Variants in DDX53 observed in about 807,000 individuals in gnomAD.
DDX53 encodes DEAD box protein 53.
For synonymous variants in DDX53, 179 were observed against 170.8 expected (o/e 1.05, Z -0.37); for missense variants, 481 against 485.1 (o/e 0.99, Z 0.08).
chrX:23,000,944 G>A lies in DDX53; in HGVS notation c.887G>A (p.Gly296Glu). The A allele has an allele frequency of 8.3e-7, 1 of 1,208,204 alleles. No individual in the cohort carries two copies. Among genetic ancestry groups the A allele is most frequent in the Non-Finnish European group, 1.1e-6 (1 of 893,890 alleles). The change falls in exon 1 of 1, where the codon GGG becomes GAG. Residue 296 changes from glycine to glutamate, a missense_variant. Gly to Glu is a moderately conservative substitution (Grantham distance 98, BLOSUM62 -2). Transcript: ENST00000327968. ...CCAATATCTAGAGAGCAAAGGAATGGGCCTGGGATGCTAGTCCTTACACCC... is the reference window on the plus strand; with the variant it reads ...CCAATATCTAGAGAGCAAAGGAATGAGCCTGGGATGCTAGTCCTTACACCC... The part of the protein sequence containing the change: ...SQPISREQRN[G>E]PGMLVLTPTR...
At position 23,001,811 on chromosome X, in the gene DDX53, T is replaced by G; in HGVS notation, c.1754T>G (p.Ile585Ser). 1 of 1,211,842 alleles carries G rather than the reference T, an allele frequency of 8.3e-7. No individual in the cohort carries two copies. The highest frequency in any genetic ancestry group is 1.1e-6 in the Non-Finnish European group (1 of 895,507). ...DSKMAGELIK[I>S]LDRANQSVPE... ...AAAATGGCCGGTGAATTGATTAAAA[T>G]TCTGGACAGAGCAAATCAGAGTGTT... is the stretch of plus-strand genomic sequence containing the variant. Residue 585 changes from isoleucine to serine, a missense_variant, in exon 1 of 1, where the codon ATT becomes AGT. Ile to Ser is a moderately radical substitution (Grantham distance 142). Transcript: ENST00000327968.
Position 23,000,891 on chromosome X carries a change from G to C in DDX53, c.834G>C (p.Met278Ile). The change falls in exon 1 of 1, where the codon ATG (methionine) becomes ATC (isoleucine). Residue 278 changes from methionine to isoleucine, a missense_variant. By Grantham distance (10) the Met-to-Ile change is conservative. Transcript: ENST00000327968. ...TGTGKTLSYLMPGFIHLDSQP... is the reference protein window; with the variant it reads ...TGTGKTLSYLIPGFIHLDSQP... ...CAGGGAAAACATTGTCCTATCTAAT[G>C]CCTGGGTTTATTCATCTTGATTCTC... is the stretch of plus-strand genomic sequence containing the variant. 1 of 1,210,323 alleles carries C rather than the reference G, an allele frequency of 8.3e-7. No homozygotes were observed.
Position 23,002,045 on chromosome X carries a change from T to G in DDX53, c.*92T>G. On this transcript the variant is annotated 3_prime_UTR_variant, in exon 1 of 1. Coordinates refer to ENST00000327968, the MANE Select transcript of DDX53 (RefSeq NM_182699.4). ...GGAAGTATTGGAAACATACTAGCCATTTGAAGACATAACTAATTCTTAAAT... is the reference window on the plus strand; with the variant it reads ...GGAAGTATTGGAAACATACTAGCCAGTTGAAGACATAACTAATTCTTAAAT... The G allele has an allele frequency of 1.4e-6, 1 of 708,350 alleles. No individual in the cohort carries two copies. Among genetic ancestry groups the G allele is most frequent in the Non-Finnish European group, 2.0e-6 (1 of 498,636 alleles). The allele number at this position is 708,350 out of a possible 1,213,427, so 58.4% of individuals were successfully genotyped here. A position where few individuals can be genotyped will look rare whatever the true frequency, so the allele number is the denominator to read the frequency against.
chrX:23,000,005 C>T lies in DDX53; in HGVS notation c.-53C>T, dbSNP rs1385768396. 9.1e-6 allele frequency: 9 copies of T among 984,163 alleles called. No individual in the cohort carries two copies. In the East Asian group the frequency reaches 3.0e-4, roughly 33 times the overall value. 81.1% of individuals were successfully genotyped at this position (984,163 alleles called of 1,213,427 possible). On this transcript the variant is annotated 5_prime_UTR_variant, in exon 1 of 1. Coordinates refer to ENST00000327968, the MANE Select transcript of DDX53 (RefSeq NM_182699.4). ...ACGGGAAACAGGCCGCAGACCTGAA[C>T]TTCCAACCGTATGTAGGCGAGAAGC...
Position 23,002,437 on chromosome X carries a change from C to T in DDX53, c.*484C>T, listed in dbSNP as rs1370299235. The T allele has an allele frequency of 8.1e-6, 1 of 123,405 alleles. No individual in the cohort carries two copies. Among genetic ancestry groups the T allele is most frequent in the Non-Finnish European group, 1.9e-5 (1 of 53,087 alleles). 10.2% of individuals were successfully genotyped at this position (123,405 alleles called of 1,213,427 possible). On this transcript the variant is annotated 3_prime_UTR_variant, in exon 1 of 1. Coordinates refer to ENST00000327968, the MANE Select transcript of DDX53 (RefSeq NM_182699.4). ...TTTGTGAAGGTTTGTTAAAGAAACA[C>T]GTGTCATGGGGGTTTATCAACTTTC...
At position 23,002,756 on chromosome X, in the gene DDX53, T is replaced by C. The variant is rs1933836822; in HGVS notation, c.*803T>C. On this transcript the variant is annotated 3_prime_UTR_variant, in exon 1 of 1. Transcript: ENST00000327968. Reference sequence around the variant, plus strand: ...TATGTGTTGGTTAAAGTTTAATTTCTCTTAAAAATACTTTTATTTTAGGTT... The same window carrying C: ...TATGTGTTGGTTAAAGTTTAATTTCCCTTAAAAATACTTTTATTTTAGGTT... 8.2e-6 allele frequency: 1 copy of C among 122,412 alleles called. No individual in the cohort carries two copies. Among genetic ancestry groups the C allele is most frequent in the Admixed American group, 9.6e-5 (1 of 10,395 alleles). The allele number at this position is 122,412 out of a possible 1,213,427, so 10.1% of individuals were successfully genotyped here. A position where few individuals can be genotyped will look rare whatever the true frequency, so the allele number is the denominator to read the frequency against.
chrX:23,000,908 T>G lies in DDX53; in HGVS notation c.851T>G (p.Leu284Arg), dbSNP rs1204272498. 8.3e-7 allele frequency: 1 copy of G among 1,208,376 alleles called. No homozygotes were observed. Among genetic ancestry groups the G allele is most frequent in the African/African-American group, 1.7e-5 (1 of 57,274 alleles). The change falls in exon 1 of 1, where the codon CTT (leucine) becomes CGT (arginine). Residue 284 changes from leucine to arginine, a missense_variant. By Grantham distance (102) the Leu-to-Arg change is moderately radical. Coordinates refer to ENST00000327968, the MANE Select transcript of DDX53 (RefSeq NM_182699.4). ...LSYLMPGFIH[L>R]DSQPISREQR... Reference sequence around the variant, plus strand: ...TATCTAATGCCTGGGTTTATTCATCTTGATTCTCAACCAATATCTAGAGAG... The same window carrying G: ...TATCTAATGCCTGGGTTTATTCATCGTGATTCTCAACCAATATCTAGAGAG...
rs1325154684 is a variant in DDX53 at position 23,000,780 on chromosome X, G to T, written c.723G>T (p.Gly241=). Residue 241 remains glycine, a synonymous_variant, in exon 1 of 1, where the codon GGG becomes GGT. Transcript: ENST00000327968. ...PDLLKSIIRV[G]IVKPTPIQSQ... is the part of the protein sequence containing the mutation. ...TTCTGAAAAGCATAATAAGGGTAGGGATTGTAAAGCCAACGCCAATTCAGT... is the reference window on the plus strand; with the variant it reads ...TTCTGAAAAGCATAATAAGGGTAGGTATTGTAAAGCCAACGCCAATTCAGT... 8.3e-7 allele frequency: 1 copy of T among 1,210,514 alleles called. No homozygotes were observed. Among genetic ancestry groups the T allele is most frequent in the Non-Finnish European group, 1.1e-6 (1 of 895,343 alleles).
rs1413280279 is a variant in DDX53, at chrX:23,002,648, T to A, written c.*695T>A. 1 of 118,869 alleles carries A rather than the reference T, an allele frequency of 8.4e-6. No individual in the cohort carries two copies. The highest frequency in any genetic ancestry group is 1.9e-5 in the Non-Finnish European group (1 of 52,084). 9.8% of individuals were successfully genotyped at this position (118,869 alleles called of 1,213,427 possible). ...ACACGTGTCATGGGGGTTTATCAAC[T>A]TTCAATATTGTGTATGTTCCTTAAT... On this transcript the variant is annotated 3_prime_UTR_variant, in exon 1 of 1. Transcript: ENST00000327968.
chrX:23,000,097 A>G lies in DDX53; in HGVS notation c.40A>G (p.Asn14Asp). Residue 14 changes from asparagine to aspartate, a missense_variant, in exon 1 of 1, where the codon AAT (asparagine) becomes GAT (aspartate). Coordinates refer to ENST00000327968, the MANE Select transcript of DDX53 (RefSeq NM_182699.4). ...CCCAGAGTGGAAGAGGGCGGAGGCT[A>G]ATCCAAGAGACCTTGGGGCCAGCTG... ...WAPEWKRAEA[N>D]PRDLGASWDV... is the part of the protein sequence containing the mutation. 8.6e-7 allele frequency: 1 copy of G among 1,157,856 alleles called. No homozygotes were observed. Among genetic ancestry groups the G allele is most frequent in the Non-Finnish European group, 1.1e-6 (1 of 870,443 alleles).
rs149084464 is a variant in DDX53, at chrX:23,000,457, A to G, written c.400A>G (p.Ile134Val). Residue 134 changes from isoleucine to valine, a missense_variant, in exon 1 of 1, where the codon ATT becomes GTT. Transcript: ENST00000327968. ...GGATAATGCTGCATCCCAAACCCCT[A>G]TTGGAAGAAATCTAGGCAGAAATGA... The part of the protein sequence containing the change: ...SVDNAASQTP[I>V]GRNLGRNDIV... 292 of 1,210,189 alleles carry G rather than the reference A, an allele frequency of 2.4e-4. 1 individual carries two copies. In the Middle Eastern group the frequency reaches 2.5e-3, roughly 10 times the overall value.
rs1295633310 is a variant in DDX53 at position 23,002,693 on chromosome X, TGAGAG to T, written c.*741_*745del. On this transcript the variant is annotated 3_prime_UTR_variant, in exon 1 of 1. Coordinates refer to ENST00000327968, the MANE Select transcript of DDX53 (RefSeq NM_182699.4). ...CTTAATTTTAAAAAAGTCTCAAAAA[TGAGAG>T]AGTGAGAGACTATGTGAAGAGAAAG... 1 of 118,489 alleles carries T rather than the reference TGAGAG, an allele frequency of 8.4e-6. No individual in the cohort carries two copies. Among genetic ancestry groups the T allele is most frequent in the African/African-American group, 3.4e-5 (1 of 29,141 alleles). The allele number at this position is 118,489 out of a possible 1,213,427, so 9.8% of individuals were successfully genotyped here. A position where few individuals can be genotyped will look rare whatever the true frequency, so the allele number is the denominator to read the frequency against.
At position 23,000,159 on chromosome X, in the gene DDX53, C is replaced by T; in HGVS notation, c.102C>T (p.Gly34=). Residue 34 remains glycine (G), a synonymous_variant, in exon 1 of 1, where the codon GGC becomes GGT. Coordinates refer to ENST00000327968, the MANE Select transcript of DDX53 (RefSeq NM_182699.4). ...GCAGCAGAGGCAGTGGCTGGAGTGGCCCCTTCGGCCATCAGGGACCGAGAG... is the reference window on the plus strand; with the variant it reads ...GCAGCAGAGGCAGTGGCTGGAGTGGTCCCTTCGGCCATCAGGGACCGAGAG... ...VRGSRGSGWS[G]PFGHQGPRAA... 8.3e-7 allele frequency: 1 copy of T among 1,198,496 alleles called. No individual in the cohort carries two copies. Among genetic ancestry groups the T allele is most frequent in the Non-Finnish European group, 1.1e-6 (1 of 888,582 alleles).
Position 23,002,744 on chromosome X carries a change from A to C in DDX53, c.*791A>C, listed in dbSNP as rs2147257214. 8.2e-6 allele frequency: 1 copy of C among 121,232 alleles called. No individual in the cohort carries two copies. Among genetic ancestry groups the C allele is most frequent in the Non-Finnish European group, 1.9e-5 (1 of 52,831 alleles). The allele number at this position is 121,232 out of a possible 1,213,427, so 10.0% of individuals were successfully genotyped here. On this transcript the variant is annotated 3_prime_UTR_variant, in exon 1 of 1. Coordinates refer to ENST00000327968, the MANE Select transcript of DDX53 (RefSeq NM_182699.4). ...GAAAGTAAATGTTATGTGTTGGTTA[A>C]AGTTTAATTTCTCTTAAAAATACTT...
rs375373699 is a variant in DDX53 at position 23,001,307 on chromosome X, T to A, written c.1250T>A (p.Leu417Gln). 34 of 1,210,339 alleles carry A rather than the reference T, an allele frequency of 2.8e-5. No individual in the cohort carries two copies. In the African/African-American group the frequency reaches 5.6e-4, roughly 20 times the overall value. The change falls in exon 1 of 1, where the codon CTA (leucine) becomes CAA (glutamine). Residue 417 changes from leucine to glutamine, a missense_variant. By Grantham distance (113) the Leu-to-Gln change is moderately radical. Coordinates refer to ENST00000327968, the MANE Select transcript of DDX53 (RefSeq NM_182699.4). ...SATWPDTVRQ[L>Q]ALSYLKDPMI... is the part of the protein sequence containing the mutation. The stretch of plus-strand genomic sequence containing the variant: ...ACTTGGCCAGATACTGTACGTCAAC[T>A]AGCACTTTCTTATTTGAAAGATCCT...
In DDX53 at chrX:23,000,459, T is replaced by G. The variant is rs750806094; in HGVS notation, c.402T>G (p.Ile134Met). Residue 134 changes from isoleucine (I) to methionine (M), a missense_variant, in exon 1 of 1, where the codon ATT becomes ATG. Physicochemically the swap from Ile to Met is conservative, Grantham distance 10. Coordinates refer to ENST00000327968, the MANE Select transcript of DDX53 (RefSeq NM_182699.4). ...SVDNAASQTPIGRNLGRNDIV... is the reference protein window; with the variant it reads ...SVDNAASQTPMGRNLGRNDIV... ...ATAATGCTGCATCCCAAACCCCTAT[T>G]GGAAGAAATCTAGGCAGAAATGACA... is the stretch of plus-strand genomic sequence containing the variant. 1.7e-6 allele frequency: 2 copies of G among 1,211,639 alleles called. No individual in the cohort carries two copies. The highest frequency in any genetic ancestry group is 1.8e-5 in the South Asian group (1 of 56,954).
chrX:23,003,173 C>T lies in DDX53; in HGVS notation c.*1220C>T, dbSNP rs5970974. ...CCAGTCAAAGTATTCTCTTTTCCCC[C>T]GAGCAGTTGGTGCCACAACAGTTCT... is the stretch of plus-strand genomic sequence containing the variant. On this transcript the variant is annotated 3_prime_UTR_variant, in exon 1 of 1. Transcript: ENST00000327968. 5 of 123,952 alleles carry T rather than the reference C, an allele frequency of 4.0e-5. No homozygotes were observed. The highest frequency in any genetic ancestry group is 2.8e-4 in the East Asian group (1 of 3,625). The allele number at this position is 123,952 out of a possible 1,213,427, so 10.2% of individuals were successfully genotyped here. A position where few individuals can be genotyped will look rare whatever the true frequency, so the allele number is the denominator to read the frequency against.
In DDX53 at chrX:23,000,219, A is replaced by C. The variant is rs776341940; in HGVS notation, c.162A>C (p.Lys54Asn). 2.5e-6 allele frequency: 3 copies of C among 1,191,046 alleles called. No homozygotes were observed. Among genetic ancestry groups the C allele is most frequent in the Non-Finnish European group, 3.4e-6 (3 of 884,877 alleles). The change falls in exon 1 of 1, where the codon AAA (lysine) becomes AAC (asparagine). Residue 54 changes from lysine (K) to asparagine (N), a missense_variant. Coordinates refer to ENST00000327968, the MANE Select transcript of DDX53 (RefSeq NM_182699.4). ...CCCGTGAACCACCACTCTGCTTTAA[A>C]ATAAAGAACAATATGGTTGGTGTGG... ...AGSREPPLCF[K>N]IKNNMVGVVI...
rs200377477 is a variant in DDX53, at chrX:23,000,037, C to T, written c.-21C>T. On this transcript the variant is annotated 5_prime_UTR_variant, in exon 1 of 1. Coordinates refer to ENST00000327968, the MANE Select transcript of DDX53 (RefSeq NM_182699.4). ...CCGTATGTAGGCGAGAAGCCGGTGCCGATACTCCCACTATCCCACAATGTC... is the reference window on the plus strand; with the variant it reads ...CCGTATGTAGGCGAGAAGCCGGTGCTGATACTCCCACTATCCCACAATGTC... 1.3e-4 allele frequency: 136 copies of T among 1,052,233 alleles called. 1 individual carries two copies. The East Asian group carries it at 4.0e-3, about 31-fold the overall frequency. The allele number at this position is 1,052,233 out of a possible 1,213,427, so 86.7% of individuals were successfully genotyped here.
Sources: gnomAD v4.1 joint callset for allele counts on GRCh38, gnomAD v4.1.1 for gene constraint, MANE v1.5 for transcripts, NCBI Gene and HGNC (gene_info 2026-07-23, HGNC 2026-07-21) for gene names.